The following ZNF827 variants were observed in gnomAD, a reference collection of about 807,000 sequenced individuals.
The protein encoded by ZNF827 is zinc finger protein 827.
In ZNF827, 13 loss-of-function variants were observed where a neutral mutation model predicts 102.4. That is an observed-to-expected ratio of 0.13 (90% CI 0.08 to 0.20). The LOEUF (loss-of-function observed/expected upper bound fraction) is 0.20, where lower values mean the gene tolerates loss of function less well. Among genes scored for constraint, ZNF827 ranks in the 10% least tolerant of loss-of-function variants. The probability of loss-of-function intolerance (pLI) is 1.00; values close to 1 mark genes in which losing one functional copy is unlikely to be tolerated. For synonymous variants in ZNF827, 523 were observed against 536.2 expected, an observed-to-expected ratio of 0.98 and a Z score of 0.34; for missense variants, 1,103 against 1,344.4, an observed-to-expected ratio of 0.82 and a Z score of 2.81.
At chr4:145,921,364 T>A (rs1483941452) in intron 1 of ZNF827, among the ~76,000 whole-genome samples, 6 of 148,758 alleles carry the variant, frequency 4.0e-5, no homozygotes, top group African/African-American at 1.5e-4. Flanking sequence ...AGATCTTAAA[T>A]AGGATTATCT....
chr4:145,781,963 G>A (rs1015030792), intron 8 of ZNF827, among the ~76,000 whole-genome samples: 4 of 152,206 alleles, frequency 2.6e-5, no homozygotes, highest in African/African-American at 9.7e-5. Context: ...AGAAGCTGAA[G>A]CATCATGAAC....
intron 2 of ZNF827, among the ~76,000 whole-genome samples, chr4:145,895,687 G>T (rs924940251): frequency 6.6e-6 from 1 of 152,084 alleles, no homozygotes; most frequent in African/African-American, 2.4e-5. Flanking sequence ...ATTCAAGAAA[G>T]AAATTTCATA....
At chr4:145,851,281 G>T (rs1199317069) in intron 5 of ZNF827, among the ~76,000 whole-genome samples, 1 of 89,726 alleles carries the variant, frequency 1.1e-5, no homozygotes, top group Non-Finnish European at 2.8e-5. Flanking sequence ...CAGATAGATA[G>T]ATAGATAGAT....
At chr4:145,891,234 T>G (rs1750578397) in intron 3 of ZNF827, among the ~76,000 whole-genome samples, 1 of 152,214 alleles carries the variant, frequency 6.6e-6, no homozygotes, top group African/African-American at 2.4e-5. Flanking sequence ...TGGTTAATAT[T>G]CTCTCCTTAA....
intron 5 of ZNF827, among the ~76,000 whole-genome samples, chr4:145,850,646 T>A (rs1746440752): frequency 6.6e-6 from 1 of 152,170 alleles, no homozygotes; most frequent in African/African-American, 2.4e-5. Flanking sequence ...TGAAACAAGG[T>A]GGGACAATTA....
chr4:145,881,050 C>T (rs1353543985), intron 4 of ZNF827, among the ~76,000 whole-genome samples: 1 of 152,210 alleles, frequency 6.6e-6, no homozygotes, highest in Non-Finnish European at 1.5e-5. Flanking sequence ...AGATGGGGAG[C>T]TGCCATTTAT....
At chr4:145,828,592 C>T (rs1006377323) in intron 7 of ZNF827, among the ~76,000 whole-genome samples, 1 of 152,188 alleles carries the variant, frequency 6.6e-6, no homozygotes, top group South Asian at 2.1e-4. Context: ...GCCCAAGCCC[C>T]CTGTTAATTT....
Position 145,765,208 on chromosome 4 carries a change from G to C in ZNF827, c.3053-43C>G. 6.5e-7 allele frequency: 1 copy of C among 1,539,384 alleles called. No individual in the cohort carries two copies. On this transcript the variant is annotated intron_variant, in intron 12 of 14. Coordinates refer to ENST00000508784, the MANE Select transcript of ZNF827 (RefSeq NM_001306215.2). The surrounding 1 kb of genome is among the most constrained non-coding windows in gnomAD (Gnocchi z 4.7). ...GGGTATAGAGGTGCACAGGGCAGCGGGGAGAGGAGGGCAGGAGTGGAGCCA... is the reference window on the plus strand; with the variant it reads ...GGGTATAGAGGTGCACAGGGCAGCGCGGAGAGGAGGGCAGGAGTGGAGCCA...
At position 145,846,153 on chromosome 4, in the gene ZNF827, A is replaced by G. The variant is rs2126639423; in HGVS notation, c.2222-140T>C. 1.2e-5 allele frequency: 9 copies of G among 771,558 alleles called. No homozygotes were observed. In the Middle Eastern group the frequency reaches 9.6e-4, roughly 82 times the overall value. 47.8% of individuals were successfully genotyped at this position (771,558 alleles called of 1,614,324 possible). ...TTTGATTTCTTTTTTAAACATCCAG[A>G]TCCTCCCCATCTTACTGGAAAAGAC... On this transcript the variant is annotated intron_variant, in intron 6 of 14. Transcript: ENST00000508784.
chr4:145,889,699 G>C (rs1239175887), intron 3 of ZNF827, among the ~76,000 whole-genome samples: 1 of 152,094 alleles, frequency 6.6e-6, no homozygotes, highest in Admixed American at 6.5e-5. Context: ...GTCCACGGCC[G>C]GGTGCAGTGG....
intron 1 of ZNF827, among the ~76,000 whole-genome samples, chr4:145,927,985 G>A (rs1167009667): frequency 3.3e-5 from 5 of 152,186 alleles, no homozygotes; most frequent in Non-Finnish European, 7.3e-5. Flanking sequence ...TTGGTGATGG[G>A]AGAGTTTAAG....
intron 7 of ZNF827, among the ~76,000 whole-genome samples, chr4:145,840,207 T>C (rs988016839): frequency 4.6e-5 from 7 of 152,226 alleles, no homozygotes; most frequent in African/African-American, 1.7e-4. Flanking sequence ...CAAAGATAAG[T>C]AGCAAAGAAT....
chr4:145,833,684 C>A (rs1354268387), intron 7 of ZNF827, among the ~76,000 whole-genome samples: 1 of 152,014 alleles, frequency 6.6e-6, no homozygotes, highest in African/African-American at 2.4e-5. Flanking sequence ...TTTACGCACC[C>A]CAACCTCGTA....
intron 8 of ZNF827, among the ~76,000 whole-genome samples, chr4:145,788,428 A>G (rs927738957): frequency 1.3e-5 from 2 of 152,228 alleles, no homozygotes; most frequent in African/African-American, 4.8e-5. Flanking sequence ...ATCCAGGCCA[A>G]TTGATGGCTG....
chr4:145,883,559 C>G (rs142685530), intron 4 of ZNF827, among the ~76,000 whole-genome samples: 1 of 152,102 alleles, frequency 6.6e-6, no homozygotes, highest in Non-Finnish European at 1.5e-5. Context: ...CTAATTACAG[C>G]GTAATGTGAG....
intron 8 of ZNF827, among the ~76,000 whole-genome samples, 158 bp downstream of exon 8, chr4:145,823,264 C>A (rs1192267039): frequency 6.6e-6 from 1 of 152,164 alleles, no homozygotes; most frequent in African/African-American, 2.4e-5. Context: ...TTTTAATAAA[C>A]TTTTGTAGCT....
At chr4:145,780,541 A>G (rs1337367679) in intron 8 of ZNF827, among the ~76,000 whole-genome samples, 1 of 152,210 alleles carries the variant, frequency 6.6e-6, no homozygotes, top group African/African-American at 2.4e-5. Context: ...TAATCATCTT[A>G]AAGAGTTTTT....
Position 145,848,817 on chromosome 4 carries a change from T to A in ZNF827, c.2221+505A>T, listed in dbSNP as rs532545958. Among the ~76,000 whole-genome samples the A allele has an allele frequency of 2.0e-5, 3 of 152,368 alleles. No individual in the cohort carries two copies. The East Asian group carries it at 5.8e-4, about 29-fold the overall frequency. ...AGTTGGTTTACCGAAACTGTTCTGC[T>A]AAGGCTATAGCTGGAAATAGTCCTC... On this transcript the variant is annotated intron_variant, in intron 6 of 14. Coordinates refer to ENST00000508784, the MANE Select transcript of ZNF827 (RefSeq NM_001306215.2).
intron 8 of ZNF827, among the ~76,000 whole-genome samples, chr4:145,817,192 T>C (rs1276084791): frequency 6.6e-6 from 1 of 152,220 alleles, no homozygotes; most frequent in African/African-American, 2.4e-5. Flanking sequence ...TCCCCAGTAC[T>C]GTGTCTTTCA....
Sources: gnomAD v4.1 joint callset for allele counts (sites outside exome capture counted in the v4.1 genomes callset) on GRCh38, gnomAD v4.1.1 for gene constraint, Gnocchi (gnomAD v3.1) non-coding constraint, MANE v1.5 for transcripts, NCBI Gene and HGNC (gene_info 2026-07-23, HGNC 2026-07-21) for gene names.